Variants in PPP2R5E observed in about 807,000 individuals in gnomAD.
PPP2R5E encodes serine/threonine-protein phosphatase 2A 56 kDa regulatory subunit epsilon isoform.
PPP2R5E carries 4 observed loss-of-function variants against 65.3 expected under a neutral mutation model. That is an observed-to-expected ratio of 0.06 (90% CI 0.03 to 0.14). The LOEUF (loss-of-function observed/expected upper bound fraction) is 0.14, where lower values mean the gene tolerates loss of function less well. Ranked by LOEUF, PPP2R5E falls within the 10% of genes least tolerant of loss-of-function variation. PPP2R5E has a pLI of 1.00. For synonymous variants in PPP2R5E, 183 were observed against 187.4 expected (o/e 0.98, Z 0.19); for missense variants, 274 against 556.1 (o/e 0.49, Z 5.10).
At chr14:63,441,837 G>C (rs1423259167) in intron 3 of PPP2R5E, among the ~76,000 whole-genome samples, 1 of 151,738 alleles carries the variant, frequency 6.6e-6, no homozygotes, top group Non-Finnish European at 1.5e-5. Flanking sequence ...ATGAACCTGG[G>C]AGGTGGAGCT....
At chr14:63,534,847 T>C (rs1329067306) in intron 2 of PPP2R5E, among the ~76,000 whole-genome samples, 1 of 152,146 alleles carries the variant, frequency 6.6e-6, no homozygotes, top group Non-Finnish European at 1.5e-5. Flanking sequence ...CTCAAACTCT[T>C]GGGCTTAAGC....
intron 2 of PPP2R5E, among the ~76,000 whole-genome samples, chr14:63,522,798 G>A (rs1264608408): frequency 3.3e-5 from 5 of 149,852 alleles, no homozygotes; most frequent in African/African-American, 1.2e-4. Flanking sequence ...CAGCCACCCC[G>A]TCCAGGAAGG....
In PPP2R5E at chr14:63,478,970, C is replaced by CA. The variant is rs200994723; in HGVS notation, c.158-25086dup. ...AAACCCCCATCTTGTACTAAAAATC[C>CA]AAAAAAAAATTAGCCAGGTATGGTG... On this transcript the variant is annotated intron_variant, in intron 2 of 13. Transcript: ENST00000337537. Among the ~76,000 whole-genome samples the CA allele has an allele frequency of 8.2e-3, 1,229 of 150,396 alleles. 43 individuals are homozygous for CA. The East Asian group carries it at 0.11, about 14-fold the overall frequency.
intron 2 of PPP2R5E, among the ~76,000 whole-genome samples, chr14:63,479,830 T>C (rs572627553): frequency 2.7e-4 from 41 of 152,328 alleles, no homozygotes; most frequent in Non-Finnish European, 1.6e-4. Context: ...GCCAGTTTTA[T>C]ACATCAAGAT....
At chr14:63,541,119 T>C (rs1893884122) in intron 1 of PPP2R5E, among the ~76,000 whole-genome samples, 2 of 152,210 alleles carry the variant, frequency 1.3e-5, no homozygotes, top group African/African-American at 4.8e-5. Context: ...TAACTTTTAA[T>C]GGGATGTGCT....
In PPP2R5E at chr14:63,374,656, T is replaced by G. The variant is rs1340646121; in HGVS notation, c.*1353A>C. 3.7e-5 allele frequency: 4 copies of G among 108,272 alleles called. No individual in the cohort carries two copies. Among genetic ancestry groups the G allele is most frequent in the African/African-American group, 1.8e-4 (4 of 22,228 alleles). 6.7% of individuals were successfully genotyped at this position (108,272 alleles called of 1,614,324 possible). ...TAAGATATATATATATATATATATATATATATATATATAAAATACAGCCCT... is the reference window on the plus strand; with the variant it reads ...TAAGATATATATATATATATATATAGATATATATATATAAAATACAGCCCT... On this transcript the variant is annotated 3_prime_UTR_variant, in exon 14 of 14. Transcript: ENST00000337537.
chr14:63,379,269 C>T (rs1884173856), intron 13 of PPP2R5E, among the ~76,000 whole-genome samples: 1 of 152,072 alleles, frequency 6.6e-6, no homozygotes, highest in Non-Finnish European at 1.5e-5. Context: ...ACCTCGTGAT[C>T]CGCCCGCCTC....
At chr14:63,460,775 C>A (rs1335062865) in intron 2 of PPP2R5E, among the ~76,000 whole-genome samples, 1 of 152,160 alleles carries the variant, frequency 6.6e-6, no homozygotes, top group Non-Finnish European at 1.5e-5. Context: ...AGGTCACCAC[C>A]ACTAGTACAA....
rs556174097 is a variant in PPP2R5E at position 63,469,065 on chromosome 14, T to C, written c.158-15180A>G. On this transcript the variant is annotated intron_variant, in intron 2 of 13. Transcript: ENST00000337537. Reference sequence around the variant, plus strand: ...ACGAATTTGTTTAGAATCTACCATGTTTAACTTAATCATTCATTCATTCAT... The same window carrying C: ...ACGAATTTGTTTAGAATCTACCATGCTTAACTTAATCATTCATTCATTCAT... Among the ~76,000 whole-genome samples, 6 of 152,288 alleles carry C rather than the reference T, an allele frequency of 3.9e-5. 1 individual carries two copies. Among genetic ancestry groups the C allele is most frequent in the African/African-American group, 1.4e-4 (6 of 41,552 alleles).
intron 2 of PPP2R5E, among the ~76,000 whole-genome samples, chr14:63,472,697 G>GCA (rs1392169750): frequency 6.6e-6 from 1 of 152,252 alleles, no homozygotes; most frequent in African/African-American, 2.4e-5. Context: ...GACAAGAACA[G>GCA]CACAGAGGTG....
chr14:63,493,506 TG>T (rs969499031), intron 2 of PPP2R5E, among the ~76,000 whole-genome samples: 7 of 45,456 alleles, frequency 1.5e-4, no homozygotes, highest in Admixed American at 3.0e-4. Context: ...GTGTGTGTGG[TG>T]GGGGGAGGGG....
intron 10 of PPP2R5E, among the ~76,000 whole-genome samples, chr14:63,391,459 G>A (rs1322400018): frequency 2.0e-5 from 3 of 151,444 alleles, no homozygotes; most frequent in Non-Finnish European, 4.4e-5. Flanking sequence ...GTTCACTCTT[G>A]TTGCCCAGGC....
At chr14:63,461,847 T>TACACACACAC (rs10695748) in intron 2 of PPP2R5E, among the ~76,000 whole-genome samples, 11 of 150,934 alleles carry the variant, frequency 7.3e-5, no homozygotes, top group African/African-American at 2.4e-4. Flanking sequence ...CCCTCACACA[T>TACACACACAC]ACACACACAC....
At chr14:63,506,385 A>G (rs1183183985) in intron 2 of PPP2R5E, among the ~76,000 whole-genome samples, 1 of 152,138 alleles carries the variant, frequency 6.6e-6, no homozygotes, top group East Asian at 1.9e-4. Context: ...CGGGAGGCGG[A>G]CCTTGCAGTG....
chr14:63,387,047 C>T (rs1345345384), intron 11 of PPP2R5E, among the ~76,000 whole-genome samples: 2 of 151,934 alleles, frequency 1.3e-5, no homozygotes, highest in Admixed American at 1.3e-4. Flanking sequence ...GAGGCATGGA[C>T]GAGGACAATG....
chr14:63,480,099 A>T (rs1010770524), intron 2 of PPP2R5E, among the ~76,000 whole-genome samples: 5 of 152,228 alleles, frequency 3.3e-5, no homozygotes, highest in South Asian at 2.1e-4. Context: ...ACCTTTTACC[A>T]ATCTTACTCC....
chr14:63,395,954 AGAG>A (rs1885355055), intron 6 of PPP2R5E, among the ~76,000 whole-genome samples: 1 of 7,078 alleles, frequency 1.4e-4, no homozygotes, highest in East Asian at 3.0e-3. Flanking sequence ...AGGGAGGAGA[AGAG>A]GAGGAGAAGG....
In PPP2R5E at chr14:63,382,123, C is replaced by T. The variant is rs773096948; in HGVS notation, c.1237G>A (p.Ala413Thr). The change falls in exon 13 of 14, where the codon GCA becomes ACA. Residue 413 changes from alanine (A) to threonine (T), a missense_variant. Ala to Thr is a moderately conservative substitution (Grantham distance 58). Coordinates refer to ENST00000337537, the MANE Select transcript of PPP2R5E (RefSeq NM_006246.5). ...ATGGTGCTGTTCATTTCCATAAATG[C>T]CTTCAACACATTGTACACCAACGCC... Reference protein sequence around the residue: ...IVALVYNVLKAFMEMNSTMFD... With the variant: ...IVALVYNVLKTFMEMNSTMFD... 6.2e-7 allele frequency: 1 copy of T among 1,613,878 alleles called. No homozygotes were observed. The highest frequency in any genetic ancestry group is 2.2e-5 in the East Asian group (1 of 44,868).
At chr14:63,438,260 CCAAA>C (rs1269089762) in intron 3 of PPP2R5E, among the ~76,000 whole-genome samples, 2 of 152,208 alleles carry the variant, frequency 1.3e-5, no homozygotes, top group Non-Finnish European at 2.9e-5. Flanking sequence ...CCAGCTTCCT[CCAAA>C]CAATCAGCCA....
Sources: gnomAD v4.1 joint callset for allele counts (sites outside exome capture counted in the v4.1 genomes callset) on GRCh38, gnomAD v4.1.1 for gene constraint, MANE v1.5 for transcripts, NCBI Gene and HGNC (gene_info 2026-07-23, HGNC 2026-07-21) for gene names.